PRRC2A: variants seen among roughly 807,000 people sequenced by gnomAD.
PRRC2A encodes protein PRRC2A.
In PRRC2A, 59 loss-of-function variants were observed where a neutral mutation model predicts 224.6. That is an observed-to-expected ratio of 0.26 (90% CI 0.21 to 0.33). The LOEUF is 0.33. Among genes scored for constraint, PRRC2A ranks in the 10% least tolerant of loss-of-function variants. The pLI is 1.00. For synonymous variants in PRRC2A, 1,194 were observed against 1,109.5 expected (o/e 1.08, Z -1.51); for missense variants, 3,095 against 2,880.7 (o/e 1.07, Z -1.70).
rs1367207280 is a variant in PRRC2A, at chr6:31,629,745, C to T, written c.2154C>T (p.Asn718=). The change falls in exon 14 of 31, where the codon AAC becomes AAT. Residue 718 remains asparagine (N), a synonymous_variant. Coordinates refer to ENST00000376033, the MANE Select transcript of PRRC2A (RefSeq NM_004638.4). The part of the protein sequence containing the change: ...LGRPPPMPPM[N]FDPRWMMIPP... ...GGCCCCCACCCATGCCCCCAATGAA[C>T]TTTGATCCCCGATGGATGATGATTC... 1 of 1,612,076 alleles carries T rather than the reference C, an allele frequency of 6.2e-7. No homozygotes were observed.
At position 31,625,944 on chromosome 6, in the gene PRRC2A, C is replaced by T. The variant is rs1561801843; in HGVS notation, c.839+73C>T. On this transcript the variant is annotated intron_variant, in intron 8 of 30. Transcript: ENST00000376033. This position sits in a 1 kb window ranked among gnomAD's most constrained non-coding sequence, Gnocchi z 4.1. ...TTGGGGGAGGAGATGGTTTTCTAGC[C>T]AGGAGGCTCAGTCTAGGATCAGTCT... 1.9e-6 allele frequency: 3 copies of T among 1,590,192 alleles called. No individual in the cohort carries two copies. The highest frequency in any genetic ancestry group is 1.1e-5 in the South Asian group (1 of 89,452).
chr6:31,634,186 C>A, intron 18 of PRRC2A, 50 bp from the exon 19 acceptor site: 2 of 1,573,000 alleles, frequency 1.3e-6, no homozygotes, highest in Non-Finnish European at 8.6e-7. Flanking sequence ...TCCTATAATT[C>A]CCAATTCCCA....
In PRRC2A at chr6:31,635,116, T is replaced by C. The variant is rs947879333; in HGVS notation, c.5161-16T>C. 6.2e-6 allele frequency: 10 copies of C among 1,613,164 alleles called. No homozygotes were observed. Among genetic ancestry groups the C allele is most frequent in the Non-Finnish European group, 8.5e-6 (10 of 1,179,392 alleles). On this transcript the variant is annotated splice_polypyrimidine_tract_variant and intron_variant, in intron 21 of 30. Transcript: ENST00000376033. ...CTTTCCCTCCCCCAATGCACTTTACTGTGTGCCCAATCCAGGAGCTGCCCC... is the reference window on the plus strand; with the variant it reads ...CTTTCCCTCCCCCAATGCACTTTACCGTGTGCCCAATCCAGGAGCTGCCCC...
Position 31,634,481 on chromosome 6 carries a change from G to A in PRRC2A, c.4859G>A (p.Arg1620Gln), listed in dbSNP as rs199623123. Residue 1620 changes from arginine to glutamine, a missense_variant, in exon 20 of 31, where the codon CGA becomes CAA. Transcript: ENST00000376033. ...IWNRLHTATSRKSYRPSSMEP... is the reference protein window; with the variant it reads ...IWNRLHTATSQKSYRPSSMEP... ...GTGCTCCCTTCTCCAGCCACTAGCC[G>A]AAAGAGTTACCGGCCCAGCTCCATG... 4.0e-5 allele frequency: 64 copies of A among 1,612,804 alleles called. No homozygotes were observed. Among genetic ancestry groups the A allele is most frequent in the Admixed American group, 5.0e-5 (3 of 59,994 alleles).
At position 31,631,098 on chromosome 6, in the gene PRRC2A, C is replaced by A. The variant is rs780024131; in HGVS notation, c.2466-41C>A. The stretch of plus-strand genomic sequence containing the variant: ...TCTTTTCCCACCTAGTTCTGGTTTT[C>A]CTGAGATACTTATTTCCATTCTTTC... On this transcript the variant is annotated intron_variant, in intron 15 of 30. Transcript: ENST00000376033. The surrounding 1 kb of genome is among the most constrained non-coding windows in gnomAD (Gnocchi z 4.5). The A allele has an allele frequency of 7.0e-7, 1 of 1,434,156 alleles. No individual in the cohort carries two copies. The highest frequency in any genetic ancestry group is 9.4e-7 in the Non-Finnish European group (1 of 1,061,712). 88.8% of individuals were successfully genotyped at this position (1,434,156 alleles called of 1,614,324 possible). A position where few individuals can be genotyped will look rare whatever the true frequency, so the allele number is the denominator to read the frequency against.
chr6:31,622,927 G>C (rs1191529456), intron 2 of PRRC2A, 26 bp downstream of exon 2: 1 of 1,584,782 alleles, frequency 6.3e-7, no homozygotes, highest in Non-Finnish European at 8.7e-7. Context: ...AGATGCTTCT[G>C]ATGGTTGAAA....
At chr6:31,624,110 AGAC>A (rs1481519664) in intron 3 of PRRC2A, 148 bp from the exon 4 acceptor site, 28 of 1,062,360 alleles carry the variant, frequency 2.6e-5, no homozygotes, top group Middle Eastern at 3.1e-4. Flanking sequence ...ATGAAAAAAT[AGAC>A]AACAGCCTAC....
rs775062443 is a variant in PRRC2A at position 31,633,510 on chromosome 6, G to A, written c.4451G>A (p.Ser1484Asn). The A allele has an allele frequency of 1.7e-5, 27 of 1,612,950 alleles. No individual in the cohort carries two copies. The South Asian group carries it at 2.7e-4, about 16-fold the overall frequency. ...ATCCAACAGGCTCTGGCCCAGCTTA[G>A]TAGCCGTCAAGGGAGTGTAACTGCA... ...AGIQQALAQL[S>N]SRQGSVTAPG... The change falls in exon 17 of 31, where the codon AGT (serine) becomes AAT (asparagine). Residue 1484 changes from serine to asparagine, a missense_variant. Ser to Asn is a conservative substitution (Grantham distance 46). Around this residue, in one of 8 missense-constraint regions of PRRC2A, gnomAD observed 2,001 missense variants for 1,764.9 expected, o/e 1.13. Transcript: ENST00000376033.
chr6:31,630,762 C>T lies in PRRC2A; in HGVS notation c.2426C>T (p.Pro809Leu). 3 of 1,614,210 alleles carry T rather than the reference C, an allele frequency of 1.9e-6. No individual in the cohort carries two copies. Among genetic ancestry groups the T allele is most frequent in the South Asian group, 2.2e-5 (2 of 91,080 alleles). ...GCTGAACCCCGCCCACTTACCTCACCTCTGCGCCAGGCTGCGGATGAGGAT... is the reference window on the plus strand; with the variant it reads ...GCTGAACCCCGCCCACTTACCTCACTTCTGCGCCAGGCTGCGGATGAGGAT... ...TPAEPRPLTS[P>L]LRQAADEDDK... The change falls in exon 15 of 31, where the codon CCT becomes CTT. Residue 809 changes from proline to leucine, a missense_variant. Pro to Leu is a moderately conservative substitution (Grantham distance 98, BLOSUM62 -3). Around this residue, in one of 8 missense-constraint regions of PRRC2A, gnomAD observed 2,001 missense variants for 1,764.9 expected, o/e 1.13. Coordinates refer to ENST00000376033, the MANE Select transcript of PRRC2A (RefSeq NM_004638.4).
chr6:31,623,945 A>G lies in PRRC2A; in HGVS notation c.290+36A>G, dbSNP rs1775601140. 3.7e-6 allele frequency: 6 copies of G among 1,604,324 alleles called. No homozygotes were observed. In the East Asian group the frequency reaches 9.0e-5, roughly 24 times the overall value. On this transcript the variant is annotated intron_variant, in intron 3 of 30. Coordinates refer to ENST00000376033, the MANE Select transcript of PRRC2A (RefSeq NM_004638.4). Reference sequence around the variant, plus strand: ...GCTTGGGGGACCTAGAGTGATGGGTATTTTAACTTGAACTTCAGGGAGCAT... The same window carrying G: ...GCTTGGGGGACCTAGAGTGATGGGTGTTTTAACTTGAACTTCAGGGAGCAT...
At chr6:31,633,339 G>T (rs374999533) in intron 16 of PRRC2A, 40 bp from the exon 17 acceptor site, 2 of 1,582,320 alleles carry the variant, frequency 1.3e-6, no homozygotes, top group Non-Finnish European at 1.7e-6. Flanking sequence ...AAAAAGTAAC[G>T]ATTTAGTGGA....
Position 31,636,491 on chromosome 6 carries a change from TCTCC to T in PRRC2A, c.5836-16_5836-13del. The T allele has an allele frequency of 5.0e-6, 8 of 1,608,790 alleles. No individual in the cohort carries two copies. The highest frequency in any genetic ancestry group is 6.8e-6 in the Non-Finnish European group (8 of 1,176,948). Reference sequence around the variant, plus strand: ...ATGATTTTGTGGGGGTTGATATATTTCTCCCTGTTTCCCGACAGGTACGCCAGGA... The same window carrying T: ...ATGATTTTGTGGGGGTTGATATATTTCTGTTTCCCGACAGGTACGCCAGGA... On this transcript the variant is annotated splice_polypyrimidine_tract_variant and intron_variant, in intron 26 of 30. Transcript: ENST00000376033. This position sits in a 1 kb window ranked among gnomAD's most constrained non-coding sequence, Gnocchi z 4.3.
At position 31,633,397 on chromosome 6, in the gene PRRC2A, T is replaced by G; in HGVS notation, c.4338T>G (p.Arg1446=). 2 of 1,612,792 alleles carry G rather than the reference T, an allele frequency of 1.2e-6. No individual in the cohort carries two copies. Among genetic ancestry groups the G allele is most frequent in the Non-Finnish European group, 1.7e-6 (2 of 1,179,870 alleles). The change falls in exon 17 of 31, where the codon CGT becomes CGG. Residue 1446 remains arginine (R), a synonymous_variant. Coordinates refer to ENST00000376033, the MANE Select transcript of PRRC2A (RefSeq NM_004638.4). ...PKNRSRPPEE[R]PPGLPLPPPP... is the part of the protein sequence containing the mutation. ...TCTCCAGTCGTCCTCCAGAGGAGCG[T>G]CCCCCGGGGCTTCCCCTGCCTCCCC... is the stretch of plus-strand genomic sequence containing the variant.
rs750432410 is a variant in PRRC2A, at chr6:31,624,497, C to T, written c.438C>T (p.Ser146=). 13 of 1,613,560 alleles carry T rather than the reference C, an allele frequency of 8.1e-6. No homozygotes were observed. Among genetic ancestry groups the T allele is most frequent in the Non-Finnish European group, 1.0e-5 (12 of 1,179,460 alleles). Residue 146 remains serine (S), a synonymous_variant, in exon 5 of 31, where the codon AGC becomes AGT. Transcript: ENST00000376033. ...PSGVKSWAQA[S]VTHGAHGDGG... ...GGGTAAAGTCCTGGGCACAAGCCAG[C>T]GTCACCCATGGAGCACATGGAGATG...
chr6:31,631,758 GGC>G lies in PRRC2A; in HGVS notation c.3087_3088del (p.Glu1030ValfsTer34), dbSNP rs1776616757. 6.5e-7 allele frequency: 1 copy of G among 1,545,376 alleles called. No homozygotes were observed. The highest frequency in any genetic ancestry group is 8.7e-7 in the Non-Finnish European group (1 of 1,144,328). ...TACCTCTTGCCGGGGTCGGGGCCGA[GGC>G]GAGTATTTTGCCAGAGGGAGGGGTT... ...GPTSCRGRGRGEYFARGRGFR... is the reference protein window; with the variant it reads ...GPTSCRGRGRXEYFARGRGFR... On this transcript the variant is annotated frameshift_variant, in exon 16 of 31. Coordinates refer to ENST00000376033, the MANE Select transcript of PRRC2A (RefSeq NM_004638.4). LOFTEE classifies it high-confidence loss of function. This position sits in a 1 kb window ranked among gnomAD's most constrained non-coding sequence, Gnocchi z 4.5.
Position 31,630,757 on chromosome 6 carries a change from C to T in PRRC2A, c.2421C>T (p.Thr807=), listed in dbSNP as rs1583208818. 2 of 1,614,180 alleles carry T rather than the reference C, an allele frequency of 1.2e-6. No homozygotes were observed. The highest frequency in any genetic ancestry group is 1.7e-6 in the Non-Finnish European group (2 of 1,180,028). ...TATPAEPRPL[T]SPLRQAADED... ...CACCCGCTGAACCCCGCCCACTTAC[C>T]TCACCTCTGCGCCAGGCTGCGGATG... The change falls in exon 15 of 31, where the codon ACC becomes ACT. Residue 807 remains threonine (T), a synonymous_variant. Transcript: ENST00000376033.
chr6:31,625,528 C>G lies in PRRC2A; in HGVS notation c.676C>G (p.His226Asp), dbSNP rs779936841. The change falls in exon 7 of 31, where the codon CAT becomes GAT. Residue 226 changes from histidine to aspartate, a missense_variant. His to Asp is a moderately conservative substitution (Grantham distance 81). Around this residue, in one of 8 missense-constraint regions of PRRC2A, gnomAD observed 287 missense variants for 275.3 expected, o/e 1.04. Transcript: ENST00000376033. This position sits in a 1 kb window ranked among gnomAD's most constrained non-coding sequence, Gnocchi z 4.1. Reference sequence around the variant, plus strand: ...GCTGGAGGGCCCGGACTCCAAACTTCATCATGGTCATGATCCCCGGGGTGG... The same window carrying G: ...GCTGGAGGGCCCGGACTCCAAACTTGATCATGGTCATGATCCCCGGGGTGG... ...DELEGPDSKLHHGHDPRGGLQ... is the reference protein window; with the variant it reads ...DELEGPDSKLDHGHDPRGGLQ... The G allele has an allele frequency of 3.2e-6, 5 of 1,579,822 alleles. No individual in the cohort carries two copies. The highest frequency in any genetic ancestry group is 4.3e-6 in the Non-Finnish European group (5 of 1,159,444).
Position 31,632,710 on chromosome 6 carries a change from T to G in PRRC2A, c.4037T>G (p.Leu1346Arg). The change falls in exon 16 of 31, where the codon CTG becomes CGG. Residue 1346 changes from leucine (L) to arginine (R), a missense_variant. Leu to Arg is a moderately radical substitution (Grantham distance 102). Coordinates refer to ENST00000376033, the MANE Select transcript of PRRC2A (RefSeq NM_004638.4). ...GDKEAPPPVL[L>R]TPKAVGTPGG... is the part of the protein sequence containing the mutation. ...AAAGAGGCACCCCCACCAGTACTGCTGACACCCAAGGCTGTGGGAACTCCT... is the reference window on the plus strand; with the variant it reads ...AAAGAGGCACCCCCACCAGTACTGCGGACACCCAAGGCTGTGGGAACTCCT... 6.2e-7 allele frequency: 1 copy of G among 1,613,102 alleles called. No homozygotes were observed. The highest frequency in any genetic ancestry group is 8.5e-7 in the Non-Finnish European group (1 of 1,180,040).
rs1776639262 is a variant in PRRC2A at position 31,631,899 on chromosome 6, C to T, written c.3226C>T (p.Pro1076Ser). The T allele has an allele frequency of 1.9e-6, 3 of 1,611,684 alleles. No individual in the cohort carries two copies. Among genetic ancestry groups the T allele is most frequent in the Non-Finnish European group, 2.5e-6 (3 of 1,179,588 alleles). Residue 1076 changes from proline to serine, a missense_variant, in exon 16 of 31, where the codon CCT becomes TCT. This residue lies in a region of PRRC2A where 2,001 missense variants were observed against 1,764.9 expected (regional missense o/e 1.13). Transcript: ENST00000376033. This position sits in a 1 kb window ranked among gnomAD's most constrained non-coding sequence, Gnocchi z 4.5. ...RGGGTGGPNH[P>S]PAPRGRTASE... is the part of the protein sequence containing the mutation. ...AGGTGGGACAGGGGGACCAAACCAC[C>T]CTCCTGCTCCCCGAGGCCGCACTGC...
Sources: gnomAD v4.1 joint callset for allele counts on GRCh38, gnomAD v4.1.1 for gene constraint, gnomAD v4.1.1 regional missense constraint, Gnocchi (gnomAD v3.1) non-coding constraint, MANE v1.5 for transcripts, NCBI Gene and HGNC (gene_info 2026-07-23, HGNC 2026-07-21) for gene names.